The following POLE4 variants were observed in gnomAD, a reference collection of about 807,000 sequenced individuals.
The protein encoded by POLE4 is DNA polymerase epsilon subunit 4.
In POLE4, 15 loss-of-function variants were observed where a neutral mutation model predicts 15.6. The observed-to-expected ratio is 0.96, with a 90% CI of 0.64 to 1.48. The LOEUF is 1.48. Ranked by LOEUF, POLE4 falls within the 40% of genes most tolerant of loss-of-function variation. The pLI is 0.00. For synonymous variants in POLE4, 83 were observed against 63.2 expected (o/e 1.31, Z -1.49); for missense variants, 205 against 151.9 (o/e 1.35, Z -1.84).
intron 1 of POLE4, 139 bp downstream of exon 1, chr2:74,959,031 A>G (rs1324541793): frequency 2.6e-6 from 2 of 757,966 alleles, no homozygotes; most frequent in South Asian, 1.8e-5. Flanking sequence ...GGCGGAGGAA[A>G]GGGGCCGGGG....
intron 3 of POLE4, among the ~76,000 whole-genome samples, chr2:74,961,735 T>G (rs541577113): frequency 6.6e-6 from 1 of 152,312 alleles, no homozygotes; most frequent in Admixed American, 6.5e-5. Flanking sequence ...TGTGTTTATT[T>G]TCATCCTCTG....
intron 3 of POLE4, 112 bp from the exon 4 acceptor site, chr2:74,969,297 T>C (rs1671336440): frequency 2.1e-6 from 2 of 944,806 alleles, no homozygotes; most frequent in East Asian, 4.8e-5. Flanking sequence ...ATTTTGGTCT[T>C]AGAGAACTGC....
Position 74,958,727 on chromosome 2 carries a change from G to A in POLE4, c.48G>A (p.Glu16=), listed in dbSNP as rs916738233. Residue 16 remains glutamate (E), a synonymous_variant, in exon 1 of 4, where the codon GAG becomes GAA. Transcript: ENST00000483063. ...GAAGCGGGACGCCCCGAGAGGAGGA[G>A]GGACCTGCTGGGGAGGCAGCGGCCT... ...AAGSGTPREE[E]GPAGEAAASQ... 1.8e-5 allele frequency: 27 copies of A among 1,514,642 alleles called. No individual in the cohort carries two copies. Among genetic ancestry groups the A allele is most frequent in the East Asian group, 1.1e-4 (4 of 36,640 alleles). The allele number at this position is 1,514,642 out of a possible 1,614,324, so 93.8% of individuals were successfully genotyped here. A position where few individuals can be genotyped will look rare whatever the true frequency, so the allele number is the denominator to read the frequency against.
Position 74,958,676 on chromosome 2 carries a change from CG to C in POLE4, c.-1del. The C allele has an allele frequency of 6.9e-7, 1 of 1,453,608 alleles. No individual in the cohort carries two copies. The highest frequency in any genetic ancestry group is 1.4e-5 in the South Asian group (1 of 70,558). 90.0% of individuals were successfully genotyped at this position (1,453,608 alleles called of 1,614,324 possible). On this transcript the variant is annotated 5_prime_UTR_variant, in exon 1 of 4. Transcript: ENST00000483063. ...CGGCCGCGCGCAGCACGCTCAAGGC[CG>C]GGATGGCGGCGGCGGCGGCGGCAGG...
At position 74,959,503 on chromosome 2, in the gene POLE4, T is replaced by C. The variant is rs948464693; in HGVS notation, c.298+78T>C. On this transcript the variant is annotated intron_variant, in intron 2 of 3. Coordinates refer to ENST00000483063, the MANE Select transcript of POLE4 (RefSeq NM_019896.4). ...TCCCCTTGTGCAGGTTGAGAAGACG[T>C]CACTCTGATCTGAGAGGTGCCACAG... is the stretch of plus-strand genomic sequence containing the variant. 7.8e-6 allele frequency: 7 copies of C among 891,942 alleles called. No homozygotes were observed. The African/African-American group carries it at 1.2e-4, about 15-fold the overall frequency. 55.3% of individuals were successfully genotyped at this position (891,942 alleles called of 1,614,324 possible).
chr2:74,960,409 G>T (rs1276745149), intron 3 of POLE4, among the ~76,000 whole-genome samples: 1 of 152,176 alleles, frequency 6.6e-6, no homozygotes, highest in Admixed American at 6.5e-5. Context: ...AGATGAATTC[G>T]AAAGTTCGAT....
At position 74,969,439 on chromosome 2, in the gene POLE4, T is replaced by G. The variant is rs756334641; in HGVS notation, c.*17T>G. On this transcript the variant is annotated 3_prime_UTR_variant, in exon 4 of 4. Coordinates refer to ENST00000483063, the MANE Select transcript of POLE4 (RefSeq NM_019896.4). Reference sequence around the variant, plus strand: ...TTAGATTGATTGCCGAGCGGGGCAGTTTTGTGAGCCTTCATCTGAAGCCTT... The same window carrying G: ...TTAGATTGATTGCCGAGCGGGGCAGGTTTGTGAGCCTTCATCTGAAGCCTT... 3.1e-6 allele frequency: 5 copies of G among 1,613,090 alleles called. No individual in the cohort carries two copies. In the African/African-American group the frequency reaches 6.7e-5, roughly 22 times the overall value.
At chr2:74,960,630 T>TA in intron 3 of POLE4, 1 of 477,970 alleles carries the variant, frequency 2.1e-6, no homozygotes. Flanking sequence ...ATTTTGTCAT[T>TA]AAAAAAGAAA....
intron 3 of POLE4, among the ~76,000 whole-genome samples, chr2:74,967,409 A>G (rs55923306): frequency 0.015 from 2,103 of 139,942 alleles, 55 homozygotes; most frequent in African/African-American, 0.052. Flanking sequence ...CTTTTTTTTT[A>G]GCTTAATAAA....
At chr2:74,966,708 T>G (rs971578034) in intron 3 of POLE4, among the ~76,000 whole-genome samples, 2 of 152,156 alleles carry the variant, frequency 1.3e-5, no homozygotes, top group African/African-American at 4.8e-5. Context: ...TTGGCCTCCT[T>G]TCTGTATTTC....
In POLE4 at chr2:74,958,860, C is replaced by T. The variant is rs773142898; in HGVS notation, c.181C>T (p.Gln61Ter). Residue 61 changes from glutamine (Q) to a stop codon, truncating the protein, a stop_gained, in exon 1 of 4, where the codon CAG becomes TAG. Transcript: ENST00000483063. LOFTEE classifies it high-confidence loss of function. ...AGATCCCGACGTGACGCTAGCGGGA[C>T]AGGAAGCCATCTTCATTCTGGCACG... ...KADPDVTLAGQEAIFILARAA... is the reference protein window; with the variant it reads ...KADPDVTLAG 1.9e-6 allele frequency: 3 copies of T among 1,561,240 alleles called. No homozygotes were observed. Among genetic ancestry groups the T allele is most frequent in the Non-Finnish European group, 1.7e-6 (2 of 1,152,782 alleles).
rs528770146 is a variant in POLE4, at chr2:74,958,681, T to TGGCGGC, written c.15_20dup (p.Ala6_Ala7dup). On this transcript the variant is annotated inframe_insertion, in exon 1 of 4. Transcript: ENST00000483063. ...GCGCGCAGCACGCTCAAGGCCGGGA[T>TGGCGGC]GGCGGCGGCGGCGGCGGCAGGAAGC... 1.8e-4 allele frequency: 267 copies of TGGCGGC among 1,457,390 alleles called. No individual in the cohort carries two copies. Among genetic ancestry groups the TGGCGGC allele is most frequent in the African/African-American group, 5.3e-4 (35 of 66,394 alleles). 90.3% of individuals were successfully genotyped at this position (1,457,390 alleles called of 1,614,324 possible). A position where few individuals can be genotyped will look rare whatever the true frequency, so the allele number is the denominator to read the frequency against.
intron 2 of POLE4, chr2:74,959,659 A>G (rs949334056): frequency 2.1e-6 from 1 of 467,100 alleles, no homozygotes; most frequent in Non-Finnish European, 3.8e-6. Context: ...ATCCCTTCAT[A>G]CCTTCTGCCA....
At chr2:74,959,669 A>T in intron 2 of POLE4, 2 of 447,582 alleles carry the variant, frequency 4.5e-6, no homozygotes, top group Non-Finnish European at 8.0e-6. Flanking sequence ...ACCTTCTGCC[A>T]AATTGCACCA....
intron 3 of POLE4, among the ~76,000 whole-genome samples, chr2:74,965,113 G>A (rs1157038799): frequency 5.3e-5 from 8 of 149,816 alleles, no homozygotes; most frequent in African/African-American, 1.5e-4. Flanking sequence ...TTTTGGTGGG[G>A]GATGGAGTCT....
At chr2:74,962,951 C>G (rs183087509) in intron 3 of POLE4, among the ~76,000 whole-genome samples, 5 of 152,328 alleles carry the variant, frequency 3.3e-5, no homozygotes, top group East Asian at 1.9e-4. Context: ...TTTAAGTTAA[C>G]ACATTTATGA....
Position 74,959,359 on chromosome 2 carries a change from A to G in POLE4, c.232A>G (p.Ile78Val), listed in dbSNP as rs1272783345. The G allele has an allele frequency of 4.3e-6, 7 of 1,613,444 alleles. No homozygotes were observed. The highest frequency in any genetic ancestry group is 3.3e-5 in the South Asian group (3 of 91,078). The change falls in exon 2 of 4, where the codon ATT becomes GTT. Residue 78 changes from isoleucine to valine, a missense_variant. Transcript: ENST00000483063. ...ARAAELFVETIAKDAYCCAQQ... is the reference protein window; with the variant it reads ...ARAAELFVETVAKDAYCCAQQ... ...TTCACAGGAACTGTTTGTGGAGACC[A>G]TTGCAAAAGATGCCTACTGTTGCGC...
At position 74,959,403 on chromosome 2, in the gene POLE4, A is replaced by G. The variant is rs1016953084; in HGVS notation, c.276A>G (p.Lys92=). 1 of 1,612,286 alleles carries G rather than the reference A, an allele frequency of 6.2e-7. No individual in the cohort carries two copies. The highest frequency in any genetic ancestry group is 8.5e-7 in the Non-Finnish European group (1 of 1,178,304). Reference sequence around the variant, plus strand: ...GTTGCGCTCAGCAGGGAAAAAGGAAAACCCTTCAGAGGAGAGACTTGGGTA... The same window carrying G: ...GTTGCGCTCAGCAGGGAAAAAGGAAGACCCTTCAGAGGAGAGACTTGGGTA... The part of the protein sequence containing the change: ...AYCCAQQGKR[K]TLQRRDLDNA... The change falls in exon 2 of 4, where the codon AAA becomes AAG. Residue 92 remains lysine, a synonymous_variant. Coordinates refer to ENST00000483063, the MANE Select transcript of POLE4 (RefSeq NM_019896.4).
At chr2:74,960,361 A>G in intron 3 of POLE4, 2 of 587,898 alleles carry the variant, frequency 3.4e-6, no homozygotes. Flanking sequence ...TGCTAACCAT[A>G]AAGAAATAGG....
Sources: gnomAD v4.1 joint callset for allele counts (sites outside exome capture counted in the v4.1 genomes callset) on GRCh38, gnomAD v4.1.1 for gene constraint, MANE v1.5 for transcripts, NCBI Gene and HGNC (gene_info 2026-07-23, HGNC 2026-07-21) for gene names.